The following TBC1D5 variants were observed in gnomAD, a reference collection of about 807,000 sequenced individuals.
TBC1D5 encodes TBC1 domain family, member 5.
TBC1D5 carries 75 observed loss-of-function variants against 100.3 expected under a neutral mutation model. The observed-to-expected ratio is 0.75, with a 90% CI of 0.62 to 0.91. The LOEUF is 0.91. Ranked by LOEUF, TBC1D5 falls within the 40% of genes least tolerant of loss-of-function variation. The pLI is 0.00. For missense variants in TBC1D5, 910 were observed against 942.4 expected (o/e 0.97, Z 0.45); for synonymous variants, 323 against 325.6 (o/e 0.99, Z 0.09).
At chr3:17,545,063 T>TAATA (rs948254389) in intron 2 of TBC1D5, among the ~76,000 whole-genome samples, 10 of 152,200 alleles carry the variant, frequency 6.6e-5, no homozygotes, top group East Asian at 5.8e-4. Context: ...TTTTTAAAAA[T>TAATA]AATAAATAAA....
At chr3:17,488,977 G>A (rs2095604794) in intron 3 of TBC1D5, among the ~76,000 whole-genome samples, 1 of 150,716 alleles carries the variant, frequency 6.6e-6, no homozygotes, top group South Asian at 2.1e-4. Context: ...ATGATCTGAT[G>A]TGGAACAGTT....
chr3:17,455,636 G>A (rs188804662), intron 3 of TBC1D5, among the ~76,000 whole-genome samples: 4 of 151,542 alleles, frequency 2.6e-5, no homozygotes, highest in East Asian at 1.9e-4. Context: ...TCAGGAGTTC[G>A]AAACCAACCT....
chr3:17,574,285 G>A (rs140176242), intron 2 of TBC1D5, among the ~76,000 whole-genome samples: 1,770 of 152,084 alleles, frequency 0.012, 21 homozygotes, highest in Non-Finnish European at 0.016. Flanking sequence ...GCTTGGGAGG[G>A]CCTCATCTGT....
At chr3:17,341,929 C>A (rs2089025844) in intron 13 of TBC1D5, among the ~76,000 whole-genome samples, 1 of 152,136 alleles carries the variant, frequency 6.6e-6, no homozygotes, top group African/African-American at 2.4e-5. Context: ...ATCCCCAATA[C>A]AGCATTCGCT....
chr3:17,401,374 CATATGTATATGTATATGT>C (rs68135264), intron 8 of TBC1D5, among the ~76,000 whole-genome samples: 1 of 142,988 alleles, frequency 7.0e-6, no homozygotes. Context: ...GTATAATATA[CATATGTATATGTATATGT>C]ATATGTATAT....
intron 19 of TBC1D5, among the ~76,000 whole-genome samples, chr3:17,169,309 T>G (rs865975916): frequency 5.3e-5 from 8 of 152,212 alleles, no homozygotes; most frequent in Non-Finnish European, 1.0e-4. Flanking sequence ...ACTGATGGAA[T>G]GAATTAATAA....
At position 17,289,394 on chromosome 3, in the gene TBC1D5, T is replaced by A. The variant is rs565203357; in HGVS notation, c.1245+2501A>T. 4.4e-4 allele frequency among the ~76,000 whole-genome samples: 66 copies of A among 151,266 alleles called. 1 individual carries two copies. The highest frequency in any genetic ancestry group is 8.4e-4 in the Non-Finnish European group (57 of 67,778). The stretch of plus-strand genomic sequence containing the variant: ...CTGTGGAGGTCCCCAGCTGGCAGAG[T>A]GACTGAGAGAGATCCTGCGTCAATT... On this transcript the variant is annotated intron_variant, in intron 15 of 21. Transcript: ENST00000253692.
chr3:17,508,523 T>C, exon 3 of TBC1D5: 1 of 1,613,800 alleles, frequency 6.2e-7, no homozygotes, highest in South Asian at 1.1e-5. Context: ...CTACTTCTTG[T>C]TCTTCTGGCT....
intron 9 of TBC1D5, among the ~76,000 whole-genome samples, chr3:17,378,171 TAAG>T (rs887812701): frequency 1.3e-5 from 2 of 151,804 alleles, no homozygotes; most frequent in Non-Finnish European, 1.5e-5. Flanking sequence ...AACCAAAAGT[TAAG>T]AAATAAATTT....
intron 15 of TBC1D5, 42 bp downstream of exon 15, chr3:17,291,853 C>A (rs896734080): frequency 6.4e-7 from 1 of 1,553,124 alleles, no homozygotes; most frequent in Non-Finnish European, 8.8e-7. Flanking sequence ...GCCTATTTTT[C>A]ACCCAACTTA....
intron 2 of TBC1D5, among the ~76,000 whole-genome samples, chr3:17,591,272 A>AAAAAAAAAAAAAAAC (rs2096769889): frequency 7.0e-6 from 1 of 143,754 alleles, no homozygotes; most frequent in Non-Finnish European, 1.5e-5. Context: ...AAAAACAAAA[A>AAAAAAAAAAAAAAAC]CCCCAGAGAA....
rs1193588894 is a variant in TBC1D5, at chr3:17,652,451, AT to A, written c.-100-28539del. Among the ~76,000 whole-genome samples the A allele has an allele frequency of 2.0e-5, 3 of 152,330 alleles. No homozygotes were observed. The East Asian group carries it at 5.8e-4, about 29-fold the overall frequency. On this transcript the variant is annotated intron_variant, in intron 1 of 21. Coordinates refer to ENST00000253692, the Ensembl canonical transcript of TBC1D5. ...ACTGTTGTTCAGGTATTTATTATAC[AT>A]GTTTCCTTAAACCGGTAAATTTCCT... is the stretch of plus-strand genomic sequence containing the variant.
intron 15 of TBC1D5, among the ~76,000 whole-genome samples, chr3:17,284,089 TACACACACACACAC>T (rs58307801): frequency 4.5e-5 from 6 of 132,718 alleles, no homozygotes; most frequent in South Asian, 2.5e-4. Context: ...CTCATTATTT[TACACACACACACAC>T]ACACACACAC....
At chr3:17,457,869 A>G (rs962036718) in intron 3 of TBC1D5, among the ~76,000 whole-genome samples, 2 of 152,202 alleles carry the variant, frequency 1.3e-5, no homozygotes, top group African/African-American at 4.8e-5. Flanking sequence ...CAACATAATT[A>G]GAAAGTGAGC....
intron 8 of TBC1D5, among the ~76,000 whole-genome samples, chr3:17,400,475 T>C (rs1224580697): frequency 2.0e-5 from 3 of 152,142 alleles, no homozygotes; most frequent in African/African-American, 7.2e-5. Context: ...AGAAAATTTA[T>C]ATAGAAATGA....
At position 17,374,987 on chromosome 3, in the gene TBC1D5, T is replaced by C. The variant is rs569751581; in HGVS notation, c.702-308A>G. ...TAGAATAATCAATTAATCCACAATCTATCACTTGTTGTCCAAAAGAACAAA... is the reference window on the plus strand; with the variant it reads ...TAGAATAATCAATTAATCCACAATCCATCACTTGTTGTCCAAAAGAACAAA... On this transcript the variant is annotated intron_variant, in intron 10 of 21. Coordinates refer to ENST00000253692, the Ensembl canonical transcript of TBC1D5. Among the ~76,000 whole-genome samples the C allele has an allele frequency of 3.7e-4, 56 of 152,290 alleles. 1 individual carries two copies. Among genetic ancestry groups the C allele is most frequent in the Admixed American group, 2.1e-3 (32 of 15,290 alleles).
chr3:17,706,271 T>C (rs2153906135), intron 1 of TBC1D5: 2 of 1,547,332 alleles, frequency 1.3e-6, no homozygotes, highest in South Asian at 1.2e-5. Context: ...CATACTCAGC[T>C]CTAAAGAGTT....
At chr3:17,212,509 A>ATAT (rs1559418609) in intron 18 of TBC1D5, among the ~76,000 whole-genome samples, 2 of 151,594 alleles carry the variant, frequency 1.3e-5, no homozygotes. Flanking sequence ...TATATATATA[A>ATAT]AAAAAGAGTT....
chr3:17,615,394 C>T (rs1560287827), intron 2 of TBC1D5, among the ~76,000 whole-genome samples: 1 of 152,068 alleles, frequency 6.6e-6, no homozygotes, highest in Non-Finnish European at 1.5e-5. Context: ...ATGATGCTGG[C>T]CTTGTAAAAT....
Sources: allele counts gnomAD v4.1 joint callset (sites outside exome capture counted in the v4.1 genomes callset), GRCh38; gene constraint gnomAD v4.1.1; transcripts MANE v1.5; gene names NCBI Gene and HGNC (gene_info 2026-07-23, HGNC 2026-07-21).